Variants in PTPRD observed in about 807,000 individuals in gnomAD.
PTPRD encodes the protein receptor-type tyrosine-protein phosphatase delta.
Under a neutral mutation model 214.5 loss-of-function variants are expected in PTPRD, and 34 were observed. The ratio of observed to expected loss-of-function variants is 0.16; its 90% CI spans 0.12 to 0.21. The LOEUF is 0.21. PTPRD is among the 10% of genes least tolerant of loss of function. The pLI is 1.00. For synonymous variants in PTPRD, 1,128 were observed against 845.7 expected (o/e 1.33, Z -5.79); for missense variants, 2,545 against 2,398.7 (o/e 1.06, Z -1.27).
intron 2 of PTPRD, among the ~76,000 whole-genome samples, chr9:10,495,260 C>T (rs988701122): frequency 6.6e-6 from 1 of 151,728 alleles, no homozygotes; most frequent in Non-Finnish European, 1.5e-5. Context: ...GGGTACTCTA[C>T]TGATGAAACA....
chr9:8,948,445 A>ATATATTTATATATATT (rs2099080527), intron 11 of PTPRD, among the ~76,000 whole-genome samples: 1 of 23,026 alleles, frequency 4.3e-5, no homozygotes. Context: ...ATTTACATAT[A>ATATATTTATATATATT]TATATATTTA....
chr9:9,463,052 A>G (rs774260030), intron 8 of PTPRD, among the ~76,000 whole-genome samples: 1 of 150,816 alleles, frequency 6.6e-6, no homozygotes, highest in Non-Finnish European at 1.5e-5. Context: ...AATAGGAACA[A>G]AAGCCTTTGT....
chr9:9,084,026 C>A (rs1459549489), intron 10 of PTPRD, among the ~76,000 whole-genome samples: 3 of 152,198 alleles, frequency 2.0e-5, no homozygotes, highest in African/African-American at 7.2e-5. Flanking sequence ...CCAGAAATAC[C>A]GTTTGACCCA....
chr9:8,408,423 C>G (rs2093226060), intron 35 of PTPRD, among the ~76,000 whole-genome samples: 1 of 152,236 alleles, frequency 6.6e-6, no homozygotes, highest in Middle Eastern at 3.4e-3. Context: ...ATGGGATACC[C>G]TTGCCTTCCC....
In PTPRD at chr9:10,016,351, G is replaced by C. The variant is rs151310422; in HGVS notation, c.-472+17367C>G. ...GTCCAGGGAAATGAGATAGATGATA[G>C]AAAGATTAGATAGATAGATAGATAG... is the stretch of plus-strand genomic sequence containing the variant. On this transcript the variant is annotated intron_variant, in intron 4 of 45. Coordinates refer to ENST00000381196, the MANE Select transcript of PTPRD (RefSeq NM_002839.4). 8.6e-5 allele frequency among the ~76,000 whole-genome samples: 11 copies of C among 127,456 alleles called. No individual in the cohort carries two copies. In the East Asian group the frequency reaches 2.2e-3, roughly 25 times the overall value. The allele number at this position is 127,456 out of a possible 152,430, so 83.6% of individuals were successfully genotyped here.
intron 8 of PTPRD, among the ~76,000 whole-genome samples, chr9:9,565,190 T>C (rs2084131313): frequency 6.6e-6 from 1 of 151,888 alleles, no homozygotes; most frequent in African/African-American, 2.4e-5. Context: ...ACTAACAATA[T>C]ATTTTATTAA....
chr9:9,655,717 A>G (rs2096494479), intron 7 of PTPRD, among the ~76,000 whole-genome samples: 1 of 151,166 alleles, frequency 6.6e-6, no homozygotes, highest in South Asian at 2.1e-4. Flanking sequence ...GTGGCTCACA[A>G]CTGTAATCCC....
intron 2 of PTPRD, among the ~76,000 whole-genome samples, chr9:10,464,505 G>A (rs1394095304): frequency 6.6e-6 from 1 of 151,430 alleles, no homozygotes; most frequent in African/African-American, 2.4e-5. Flanking sequence ...AGATGAAGAT[G>A]AAGATGAAGA....
chr9:10,270,552 G>T (rs543935248), intron 3 of PTPRD, among the ~76,000 whole-genome samples: 1 of 152,128 alleles, frequency 6.6e-6, no homozygotes, highest in Non-Finnish European at 1.5e-5. Context: ...ATGCAGAACT[G>T]CCATACAAAA....
intron 2 of PTPRD, among the ~76,000 whole-genome samples, chr9:10,549,379 A>G (rs908114956): frequency 6.6e-6 from 1 of 152,182 alleles, no homozygotes; most frequent in East Asian, 1.9e-4. Flanking sequence ...TAAAGGAAAA[A>G]AGGAAAGGGG....
chr9:8,454,507 T>C (rs370704713), intron 33 of PTPRD: 104 of 1,553,004 alleles, frequency 6.7e-5, no homozygotes, highest in Non-Finnish European at 8.7e-5. Context: ...CCTCCCCTCT[T>C]CAACAACTCT....
At chr9:10,138,424 CA>C (rs2098958025) in intron 3 of PTPRD, among the ~76,000 whole-genome samples, 1 of 151,636 alleles carries the variant, frequency 6.6e-6, no homozygotes, top group Non-Finnish European at 1.5e-5. Flanking sequence ...ACAAAACAAA[CA>C]AACAAACAAA....
Position 9,376,488 on chromosome 9 carries a change from A to G in PTPRD, c.-203+20961T>C, listed in dbSNP as rs151128050. Among the ~76,000 whole-genome samples, 5 of 152,296 alleles carry G rather than the reference A, an allele frequency of 3.3e-5. No homozygotes were observed. In the East Asian group the frequency reaches 9.6e-4, roughly 29 times the overall value. On this transcript the variant is annotated intron_variant, in intron 9 of 45. Coordinates refer to ENST00000381196, the MANE Select transcript of PTPRD (RefSeq NM_002839.4). ...CATAGTGTTTAGGACTAGGAATTAA[A>G]TTTCACCTTTGAGCCCAAGCCCATT...
intron 2 of PTPRD, among the ~76,000 whole-genome samples, chr9:10,351,605 T>C (rs2097184129): frequency 1.3e-5 from 2 of 152,046 alleles, no homozygotes; most frequent in Middle Eastern, 3.4e-3. Flanking sequence ...AGCTATAATT[T>C]ATCCAAGAAA....
At chr9:9,943,618 G>T (rs1313825027) in intron 4 of PTPRD, among the ~76,000 whole-genome samples, 1 of 148,300 alleles carries the variant, frequency 6.7e-6, no homozygotes, top group Non-Finnish European at 1.5e-5. Flanking sequence ...TGGGTTTGTG[G>T]CTGTTAGATG....
chr9:9,466,746 G>C (rs1359169085), intron 8 of PTPRD, among the ~76,000 whole-genome samples: 2 of 151,794 alleles, frequency 1.3e-5, no homozygotes, highest in Non-Finnish European at 2.9e-5. Flanking sequence ...ATTTTTTCCT[G>C]GACTTTTTGA....
chr9:9,153,009 A>G (rs747468873), intron 10 of PTPRD, among the ~76,000 whole-genome samples: 3 of 151,970 alleles, frequency 2.0e-5, no homozygotes, highest in Non-Finnish European at 4.4e-5. Flanking sequence ...TTATTTTAGA[A>G]TTTTCTCACC....
At chr9:8,367,526 C>T (rs1440209255) in intron 39 of PTPRD, among the ~76,000 whole-genome samples, 2 of 152,048 alleles carry the variant, frequency 1.3e-5, no homozygotes, top group Admixed American at 6.5e-5. Context: ...GTTAAGAAAC[C>T]CTGCTTATAG....
intron 3 of PTPRD, among the ~76,000 whole-genome samples, chr9:10,167,168 G>A (rs572382316): frequency 1.5e-4 from 22 of 151,286 alleles, no homozygotes; most frequent in Non-Finnish European, 3.1e-4. Context: ...AGCTTATGGA[G>A]TAGTATGGAG....
Sources: gnomAD v4.1 joint callset for allele counts (sites outside exome capture counted in the v4.1 genomes callset) on GRCh38, gnomAD v4.1.1 for gene constraint, MANE v1.5 for transcripts, NCBI Gene and HGNC (gene_info 2026-07-23, HGNC 2026-07-21) for gene names.